Variants in VAC14 observed in about 807,000 individuals in gnomAD.
VAC14 encodes VAC14 component of PIKFYVE complex, also known as protein VAC14 homolog.
VAC14 carries 47 observed loss-of-function variants against 85.3 expected under a neutral mutation model. That is an observed-to-expected ratio of 0.55 (90% CI 0.44 to 0.70). The LOEUF (loss-of-function observed/expected upper bound fraction) is 0.70, where lower values mean the gene tolerates loss of function less well. VAC14 is among the 30% of genes least tolerant of loss of function. VAC14 has a pLI of 0.00. For missense variants in VAC14, 861 were observed against 1,004.3 expected (o/e 0.86, Z 1.93); for synonymous variants, 447 against 430.5 (o/e 1.04, Z -0.47).
At chr16:70,724,887 C>T (rs967735823) in intron 14 of VAC14, among the ~76,000 whole-genome samples, 5 of 152,370 alleles carry the variant, frequency 3.3e-5, no homozygotes, top group East Asian at 1.9e-4. Flanking sequence ...GATACGGCTA[C>T]GGACTTATGA....
chr16:70,703,667 C>T (rs2053870948), intron 14 of VAC14, among the ~76,000 whole-genome samples: 1 of 152,218 alleles, frequency 6.6e-6, no homozygotes, highest in Non-Finnish European at 1.5e-5. Flanking sequence ...GCCGCCTGGA[C>T]AGCTGCTCCC....
chr16:70,760,253 C>T (rs564303948), intron 12 of VAC14, among the ~76,000 whole-genome samples: 2 of 152,066 alleles, frequency 1.3e-5, no homozygotes, highest in Non-Finnish European at 2.9e-5. Flanking sequence ...AGCTCCAATT[C>T]GAGATCAGGG....
chr16:70,689,100 AG>A (rs2053552194), intron 18 of VAC14: 1 of 984,968 alleles, frequency 1.0e-6, no homozygotes, highest in Non-Finnish European at 1.2e-6. Context: ...GGCAGAGCAC[AG>A]GATCTAGACA....
rs780880158 is a variant in VAC14, at chr16:70,762,159, G to C, written c.1371+381C>G. On this transcript the variant is annotated intron_variant, in intron 12 of 18. Transcript: ENST00000261776. This position sits in a 1 kb window ranked among gnomAD's most constrained non-coding sequence, Gnocchi z 4.1. ...GTCTCACTCTGTCGCCCAAGCTGGAGTGCAGTGGCACGATCTCTGCTCACT... is the reference window on the plus strand; with the variant it reads ...GTCTCACTCTGTCGCCCAAGCTGGACTGCAGTGGCACGATCTCTGCTCACT... Among the ~76,000 whole-genome samples the C allele has an allele frequency of 5.3e-5, 8 of 152,016 alleles. No individual in the cohort carries two copies. Among genetic ancestry groups the C allele is most frequent in the Non-Finnish European group, 1.2e-4 (8 of 68,008 alleles).
chr16:70,769,893 T>G (rs2033088518), intron 10 of VAC14: 1 of 152,246 alleles, frequency 6.6e-6, no homozygotes, highest in Non-Finnish European at 1.5e-5. Flanking sequence ...GGCTTTTGGC[T>G]GCCAGAGGGA....
At chr16:70,794,541 T>C (rs2034465757) in intron 1 of VAC14, among the ~76,000 whole-genome samples, 1 of 152,096 alleles carries the variant, frequency 6.6e-6, no homozygotes, top group Non-Finnish European at 1.5e-5. Flanking sequence ...AGCCAGGAGG[T>C]AAAACAGGCT....
chr16:70,759,292 G>A (rs1161859735), intron 12 of VAC14, among the ~76,000 whole-genome samples: 2 of 152,248 alleles, frequency 1.3e-5, no homozygotes, highest in African/African-American at 4.8e-5. Context: ...AATAAGAAAA[G>A]TGGACGAAGG....
At chr16:70,754,177 C>T (rs752059803) in intron 12 of VAC14, among the ~76,000 whole-genome samples, 15 of 152,172 alleles carry the variant, frequency 9.9e-5, no homozygotes, top group Admixed American at 5.2e-4. Context: ...CAAGGCTGGC[C>T]GCAGTTACTC....
chr16:70,763,129 G>A, intron 10 of VAC14, 104 bp from the exon 11 acceptor site: 1 of 1,515,468 alleles, frequency 6.6e-7, no homozygotes, highest in Non-Finnish European at 9.0e-7. Flanking sequence ...GTCACACACT[G>A]CTAACCACCG....
At chr16:70,794,944 A>G (rs2034481981) in intron 1 of VAC14, among the ~76,000 whole-genome samples, 2 of 152,256 alleles carry the variant, frequency 1.3e-5, no homozygotes, top group African/African-American at 2.4e-5. Flanking sequence ...TGATAATGTT[A>G]TATTTTTACT....
chr16:70,726,709 G>A (rs972236311), intron 14 of VAC14, among the ~76,000 whole-genome samples: 4 of 152,178 alleles, frequency 2.6e-5, no homozygotes, highest in Admixed American at 6.5e-5. Context: ...GCACCCCACC[G>A]CACATGTCGC....
At chr16:70,719,831 G>A (rs2054245570) in intron 14 of VAC14, among the ~76,000 whole-genome samples, 1 of 152,142 alleles carries the variant, frequency 6.6e-6, no homozygotes, top group Non-Finnish European at 1.5e-5. Flanking sequence ...TGGTATGTCT[G>A]CTTGCCAATC....
chr16:70,744,504 G>A lies in VAC14; in HGVS notation c.1447C>T (p.Leu483Phe). 5.0e-6 allele frequency: 8 copies of A among 1,613,738 alleles called. No homozygotes were observed. Among genetic ancestry groups the A allele is most frequent in the Non-Finnish European group, 6.8e-6 (8 of 1,179,974 alleles). ...CTGGCCTGGAGGTCAGGGCCATCGA[G>A]GGGGCCTGGGTCATCCGTCTGGCCT... Reference protein sequence around the residue: ...PAGQTDDPGPLDGPDLQASHS... With the variant: ...PAGQTDDPGPFDGPDLQASHS... The change falls in exon 13 of 19, where the codon CTC becomes TTC. Residue 483 changes from leucine (L) to phenylalanine (F), a missense_variant. By Grantham distance (22) the Leu-to-Phe change is conservative. This residue lies in a region of VAC14 where 629 missense variants were observed against 703.1 expected (regional missense o/e 0.89). Coordinates refer to ENST00000261776, the MANE Select transcript of VAC14 (RefSeq NM_018052.5).
intron 10 of VAC14, among the ~76,000 whole-genome samples, chr16:70,764,459 G>A (rs2032650106): frequency 6.6e-6 from 1 of 152,190 alleles, no homozygotes; most frequent in South Asian, 2.1e-4. Context: ...TACTGTGCAG[G>A]TAGAGGAGTC....
chr16:70,698,349 C>G (rs2053755348), intron 15 of VAC14, among the ~76,000 whole-genome samples: 1 of 152,128 alleles, frequency 6.6e-6, no homozygotes, highest in Non-Finnish European at 1.5e-5. Flanking sequence ...TGGAGTGGGA[C>G]TGGGGTGTCA....
chr16:70,762,015 G>A lies in VAC14; in HGVS notation c.1371+525C>T, dbSNP rs1038078331. 5.3e-5 allele frequency among the ~76,000 whole-genome samples: 8 copies of A among 152,102 alleles called. No individual in the cohort carries two copies. The highest frequency in any genetic ancestry group is 8.8e-5 in the Non-Finnish European group (6 of 68,002). On this transcript the variant is annotated intron_variant, in intron 12 of 18. Coordinates refer to ENST00000261776, the MANE Select transcript of VAC14 (RefSeq NM_018052.5). The surrounding 1 kb of genome is among the most constrained non-coding windows in gnomAD (Gnocchi z 4.1). The stretch of plus-strand genomic sequence containing the variant: ...AGCCTCACTCCAAGCCAAGCTCCCC[G>A]CCTGTCCTGTGCTGCCTCCCTTACT...
intron 14 of VAC14, among the ~76,000 whole-genome samples, chr16:70,709,325 A>G (rs1271356062): frequency 6.6e-6 from 1 of 151,110 alleles, no homozygotes; most frequent in Non-Finnish European, 1.5e-5. Context: ...ACAGAGCCTT[A>G]GACACACTTT....
chr16:70,695,828 G>C (rs752950682), intron 16 of VAC14: 8 of 533,648 alleles, frequency 1.5e-5, no homozygotes, highest in Non-Finnish European at 2.7e-5. Context: ...AGGAGTTCCA[G>C]GTTCCACTCT....
At position 70,749,159 on chromosome 16, in the gene VAC14, A is replaced by C. The variant is rs546486023; in HGVS notation, c.1372-4580T>G. On this transcript the variant is annotated intron_variant, in intron 12 of 18. Coordinates refer to ENST00000261776, the MANE Select transcript of VAC14 (RefSeq NM_018052.5). ...AGGCTGGCTCACCACTTCCATTCCA[A>C]GATTTCTGGTCCCACAGCTGAGCTG... Among the ~76,000 whole-genome samples the C allele has an allele frequency of 3.9e-5, 6 of 152,304 alleles. No individual in the cohort carries two copies. The South Asian group carries it at 8.3e-4, about 21-fold the overall frequency.
Sources: allele counts gnomAD v4.1 joint callset (sites outside exome capture counted in the v4.1 genomes callset), GRCh38; gene constraint gnomAD v4.1.1; regional missense constraint gnomAD v4.1.1; non-coding constraint Gnocchi (gnomAD v3.1); transcripts MANE v1.5; gene names NCBI Gene and HGNC (gene_info 2026-07-23, HGNC 2026-07-21).